ANKRD9: variants seen among roughly 807,000 people sequenced by gnomAD.
ANKRD9 encodes the protein ankyrin repeat domain-containing protein 9.
Under a neutral mutation model 19.2 loss-of-function variants are expected in ANKRD9, and 13 were observed. That is an observed-to-expected ratio of 0.68 (90% CI 0.44 to 1.08). The LOEUF is 1.08. ANKRD9 is among the 50% of genes least tolerant of loss of function. The pLI is 0.00. For synonymous variants in ANKRD9, 278 were observed against 256.8 expected (o/e 1.08, Z -0.79); for missense variants, 518 against 499.9 (o/e 1.04, Z -0.34).
rs1257055107 is a variant in ANKRD9 at position 102,504,118 on chromosome 14, G to A, written c.*2818C>T. ...CTGCTGGCTTTTGATGAGCCCAGGA[G>A]GGCTCAGCCTTCACTATCCTCCCTA... On this transcript the variant is annotated 3_prime_UTR_variant, in exon 4 of 4. Coordinates refer to ENST00000286918, the MANE Select transcript of ANKRD9 (RefSeq NM_152326.4). 1 of 152,262 alleles carries A rather than the reference G, an allele frequency of 6.6e-6. No homozygotes were observed. The highest frequency in any genetic ancestry group is 2.4e-5 in the African/African-American group (1 of 41,444). The allele number at this position is 152,262 out of a possible 1,614,324, so 9.4% of individuals were successfully genotyped here. A position where few individuals can be genotyped will look rare whatever the true frequency, so the allele number is the denominator to read the frequency against.
In ANKRD9 at chr14:102,505,632, G is replaced by C. The variant is rs1891567079; in HGVS notation, c.*1304C>G. On this transcript the variant is annotated 3_prime_UTR_variant, in exon 4 of 4. Transcript: ENST00000286918. ...ATGGAAAAACCTTGATGGGGAGACTGAGGGCCAAGGCAGAGGTTTGTCCAA... is the reference window on the plus strand; with the variant it reads ...ATGGAAAAACCTTGATGGGGAGACTCAGGGCCAAGGCAGAGGTTTGTCCAA... 1 of 152,316 alleles carries C rather than the reference G, an allele frequency of 6.6e-6. No individual in the cohort carries two copies. The highest frequency in any genetic ancestry group is 1.5e-5 in the Non-Finnish European group (1 of 68,118). The allele number at this position is 152,316 out of a possible 1,614,324, so 9.4% of individuals were successfully genotyped here.
In ANKRD9 at chr14:102,502,950, C is replaced by T. The variant is rs1891483226; in HGVS notation, c.*3986G>A. On this transcript the variant is annotated 3_prime_UTR_variant, in exon 4 of 4. Coordinates refer to ENST00000286918, the MANE Select transcript of ANKRD9 (RefSeq NM_152326.4). ...CTTTTAAGAGCCAGGCGCAGTGGCT[C>T]ACACTTGTAACCCCAGCACTTTGGG... is the stretch of plus-strand genomic sequence containing the variant. 1.3e-5 allele frequency: 2 copies of T among 152,166 alleles called. No homozygotes were observed. Among genetic ancestry groups the T allele is most frequent in the African/African-American group, 4.8e-5 (2 of 41,430 alleles). 9.4% of individuals were successfully genotyped at this position (152,166 alleles called of 1,614,324 possible). A position where few individuals can be genotyped will look rare whatever the true frequency, so the allele number is the denominator to read the frequency against.
In ANKRD9 at chr14:102,502,659, T is replaced by C. The variant is rs1362965786; in HGVS notation, c.*4277A>G. The C allele has an allele frequency of 6.6e-6, 1 of 152,178 alleles. No homozygotes were observed. The highest frequency in any genetic ancestry group is 1.5e-5 in the Non-Finnish European group (1 of 68,036). 9.4% of individuals were successfully genotyped at this position (152,178 alleles called of 1,614,324 possible). A position where few individuals can be genotyped will look rare whatever the true frequency, so the allele number is the denominator to read the frequency against. The stretch of plus-strand genomic sequence containing the variant: ...ATCTGGTTTCATATATATATAAATA[T>C]ACACAGAAAAAAATGTAATATATAT... On this transcript the variant is annotated 3_prime_UTR_variant, in exon 4 of 4. Coordinates refer to ENST00000286918, the MANE Select transcript of ANKRD9 (RefSeq NM_152326.4).
In ANKRD9 at chr14:102,506,448, C is replaced by G. The variant is rs1445777922; in HGVS notation, c.*488G>C. ...GGTACAATTTGTTCATGCCTCAACA[C>G]CAGCCACCGCGGGCCTGCCAGCCCT... is the stretch of plus-strand genomic sequence containing the variant. On this transcript the variant is annotated 3_prime_UTR_variant, in exon 4 of 4. Transcript: ENST00000286918. 6.5e-6 allele frequency: 1 copy of G among 154,654 alleles called. No homozygotes were observed. Among genetic ancestry groups the G allele is most frequent in the African/African-American group, 2.4e-5 (1 of 41,580 alleles). 9.6% of individuals were successfully genotyped at this position (154,654 alleles called of 1,614,324 possible).
rs895559611 is a variant in ANKRD9 at position 102,503,388 on chromosome 14, A to G, written c.*3548T>C. On this transcript the variant is annotated 3_prime_UTR_variant, in exon 4 of 4. Coordinates refer to ENST00000286918, the MANE Select transcript of ANKRD9 (RefSeq NM_152326.4). ...AACCTCCGCCTCCTGGGTTCAAGCA[A>G]TTCTCCTGCCTCAGCCTCCTGAGTA... is the stretch of plus-strand genomic sequence containing the variant. The G allele has an allele frequency of 2.7e-5, 4 of 149,778 alleles. No homozygotes were observed. The highest frequency in any genetic ancestry group is 4.4e-5 in the Non-Finnish European group (3 of 67,596). The allele number at this position is 149,778 out of a possible 1,614,324, so 9.3% of individuals were successfully genotyped here.
At position 102,507,676 on chromosome 14, in the gene ANKRD9, G is replaced by A. The variant is rs1891656601; in HGVS notation, c.214C>T (p.Pro72Ser). Residue 72 changes from proline (P) to serine (S), a missense_variant, in exon 4 of 4, where the codon CCC becomes TCC. Transcript: ENST00000286918. This position sits in a 1 kb window ranked among gnomAD's most constrained non-coding sequence, Gnocchi z 9.2. The part of the protein sequence containing the change: ...DERGRAAAYS[P>S]SEALLYALVH... ...AGCGCGTAGAGCAGCGCCTCAGAGG[G>A]CGAGTAGGCGGCGGCGCGCCCGCGC... 6.4e-7 allele frequency: 1 copy of A among 1,556,748 alleles called. No homozygotes were observed. The highest frequency in any genetic ancestry group is 8.6e-7 in the Non-Finnish European group (1 of 1,157,020).
chr14:102,503,247 C>T lies in ANKRD9; in HGVS notation c.*3689G>A, dbSNP rs1317228722. On this transcript the variant is annotated 3_prime_UTR_variant, in exon 4 of 4. Transcript: ENST00000286918. Reference sequence around the variant, plus strand: ...AATAAATACATAAATAAATAAATTACTTTTAAGAATCACCAATAGAAATCT... The same window carrying T: ...AATAAATACATAAATAAATAAATTATTTTTAAGAATCACCAATAGAAATCT... 6.7e-6 allele frequency: 1 copy of T among 149,518 alleles called. No homozygotes were observed. Among genetic ancestry groups the T allele is most frequent in the Non-Finnish European group, 1.5e-5 (1 of 67,576 alleles). The allele number at this position is 149,518 out of a possible 1,614,324, so 9.3% of individuals were successfully genotyped here.
chr14:102,507,803 C>A lies in ANKRD9; in HGVS notation c.87G>T (p.Gln29His). The stretch of plus-strand genomic sequence containing the variant: ...AGAAGGCGAACGACGACTTGCGGCA[C>A]TGCTTCTGCGCTCGCGAGCGCGCCG... ...SGAARSRAQK[Q>H]CRKSSFAFYQ... The change falls in exon 4 of 4, where the codon CAG (glutamine) becomes CAT (histidine). Residue 29 changes from glutamine (Q) to histidine (H), a missense_variant. Physicochemically the swap from Gln to His is conservative, Grantham distance 24. Transcript: ENST00000286918. The surrounding 1 kb of genome is among the most constrained non-coding windows in gnomAD (Gnocchi z 9.2). 7.0e-7 allele frequency: 1 copy of A among 1,422,082 alleles called. No individual in the cohort carries two copies. Among genetic ancestry groups the A allele is most frequent in the Non-Finnish European group, 9.3e-7 (1 of 1,078,514 alleles). The allele number at this position is 1,422,082 out of a possible 1,614,324, so 88.1% of individuals were successfully genotyped here.
rs1891532078 is a variant in ANKRD9 at position 102,504,542 on chromosome 14, C to T, written c.*2394G>A. 1 of 152,872 alleles carries T rather than the reference C, an allele frequency of 6.5e-6. No individual in the cohort carries two copies. The highest frequency in any genetic ancestry group is 2.4e-5 in the African/African-American group (1 of 41,450). The allele number at this position is 152,872 out of a possible 1,614,324, so 9.5% of individuals were successfully genotyped here. On this transcript the variant is annotated 3_prime_UTR_variant, in exon 4 of 4. Coordinates refer to ENST00000286918, the MANE Select transcript of ANKRD9 (RefSeq NM_152326.4). ...GCCCAGAAGACTGATAAGCTAAACCCAGGGCCTCCCTCGGCTGCTTATCTG... is the reference window on the plus strand; with the variant it reads ...GCCCAGAAGACTGATAAGCTAAACCTAGGGCCTCCCTCGGCTGCTTATCTG...
In ANKRD9 at chr14:102,504,267, G is replaced by C. The variant is rs887197001; in HGVS notation, c.*2669C>G. ...ACCGGCTGCAGCCATGTTTCCCTTA[G>C]AAACAGACTGCTGGAATTAACGAAC... is the stretch of plus-strand genomic sequence containing the variant. On this transcript the variant is annotated 3_prime_UTR_variant, in exon 4 of 4. Coordinates refer to ENST00000286918, the MANE Select transcript of ANKRD9 (RefSeq NM_152326.4). 6.6e-6 allele frequency: 1 copy of C among 152,468 alleles called. No homozygotes were observed. Among genetic ancestry groups the C allele is most frequent in the Non-Finnish European group, 1.5e-5 (1 of 68,066 alleles). 9.4% of individuals were successfully genotyped at this position (152,468 alleles called of 1,614,324 possible).
rs970630663 is a variant in ANKRD9, at chr14:102,507,486, G to A, written c.404C>T (p.Thr135Ile). 1.4e-6 allele frequency: 2 copies of A among 1,395,466 alleles called. No homozygotes were observed. Among genetic ancestry groups the A allele is most frequent in the African/African-American group, 1.5e-5 (1 of 65,394 alleles). 86.4% of individuals were successfully genotyped at this position (1,395,466 alleles called of 1,614,324 possible). Residue 135 changes from threonine to isoleucine, a missense_variant, in exon 4 of 4, where the codon ACC becomes ATC. Physicochemically the swap from Thr to Ile is moderately conservative, Grantham distance 89. Transcript: ENST00000286918. This position sits in a 1 kb window ranked among gnomAD's most constrained non-coding sequence, Gnocchi z 9.2. Reference protein sequence around the residue: ...RVGILRRILRTLRDFPAEERA... With the variant: ...RVGILRRILRILRDFPAEERA... Reference sequence around the variant, plus strand: ...CTCCTCGGCCGGGAAGTCGCGCAAGGTGCGCAGGATGCGGCGCAGAATGCC... The same window carrying A: ...CTCCTCGGCCGGGAAGTCGCGCAAGATGCGCAGGATGCGGCGCAGAATGCC...
In ANKRD9 at chr14:102,508,928, A is replaced by G. The variant is rs8006911; in HGVS notation, c.-334-82T>C. 56,144 of 151,694 alleles carry G rather than the reference A, an allele frequency of 0.37. 11,151 individuals are homozygous for G. The highest frequency in any genetic ancestry group is 0.57 in the East Asian group (2,906 of 5,100). The allele number at this position is 151,694 out of a possible 1,614,324, so 9.4% of individuals were successfully genotyped here. On this transcript the variant is annotated intron_variant, in intron 1 of 3. Transcript: ENST00000286918. The surrounding 1 kb of genome is among the most constrained non-coding windows in gnomAD (Gnocchi z 6.2). Reference sequence around the variant, plus strand: ...CCCCAACCCACAGGCAATCGAGCTTAGGCCCTGACCCTGCCCTCTGAGTCC... The same window carrying G: ...CCCCAACCCACAGGCAATCGAGCTTGGGCCCTGACCCTGCCCTCTGAGTCC...
rs1414533472 is a variant in ANKRD9 at position 102,507,630 on chromosome 14, T to C, written c.260A>G (p.Tyr87Cys). Residue 87 changes from tyrosine to cysteine, a missense_variant, in exon 4 of 4, where the codon TAC (tyrosine) becomes TGC (cysteine). Transcript: ENST00000286918. This position sits in a 1 kb window ranked among gnomAD's most constrained non-coding sequence, Gnocchi z 9.2. The stretch of plus-strand genomic sequence containing the variant: ...GAACGTGGCCAGCAGGTAATGCGCG[T>C]ACGCTTGGTGGTCGTGCACGAGCGC... ...LYALVHDHQA[Y>C]AHYLLATFPR... The C allele has an allele frequency of 2.0e-6, 3 of 1,532,578 alleles. No homozygotes were observed. The South Asian group carries it at 3.5e-5, about 18-fold the overall frequency. 94.9% of individuals were successfully genotyped at this position (1,532,578 alleles called of 1,614,324 possible).
intron 1 of ANKRD9, 51 bp downstream of exon 1, chr14:102,509,478 G>A (rs1299843755): frequency 6.7e-6 from 1 of 148,428 alleles, no homozygotes; most frequent in Non-Finnish European, 1.5e-5. Flanking sequence ...GCGTGTGCCG[G>A]AGGAGGAGGG....
chr14:102,502,767 CCTTTA>C lies in ANKRD9; in HGVS notation c.*4164_*4168del, dbSNP rs1366559545. The stretch of plus-strand genomic sequence containing the variant: ...GTGCAGATGACGCACTCAGTCAGCG[CCTTTA>C]CTTGTACGTGAGCGCTTAGGGGCCC... On this transcript the variant is annotated 3_prime_UTR_variant, in exon 4 of 4. Transcript: ENST00000286918. 1 of 152,186 alleles carries C rather than the reference CCTTTA, an allele frequency of 6.6e-6. No homozygotes were observed. Among genetic ancestry groups the C allele is most frequent in the Non-Finnish European group, 1.5e-5 (1 of 68,042 alleles). The allele number at this position is 152,186 out of a possible 1,614,324, so 9.4% of individuals were successfully genotyped here. A position where few individuals can be genotyped will look rare whatever the true frequency, so the allele number is the denominator to read the frequency against.
rs1018996891 is a variant in ANKRD9, at chr14:102,509,719, CGGCGGCGGGCGGCG to C, written c.-539_-526del. 33 of 143,934 alleles carry C rather than the reference CGGCGGCGGGCGGCG, an allele frequency of 2.3e-4. No homozygotes were observed. Among genetic ancestry groups the C allele is most frequent in the East Asian group, 4.2e-4 (2 of 4,706 alleles). The allele number at this position is 143,934 out of a possible 1,614,324, so 8.9% of individuals were successfully genotyped here. The stretch of plus-strand genomic sequence containing the variant: ...GATCGCAGGGCGGCGGTGCCGTCGC[CGGCGGCGGGCGGCG>C]GGCGGCGGGCGGCGGGCGGCGCAGT... On this transcript the variant is annotated 5_prime_UTR_variant, in exon 1 of 4. Transcript: ENST00000286918.
rs887902641 is a variant in ANKRD9 at position 102,508,128 on chromosome 14, A to C, written c.-53-186T>G. Among the ~76,000 whole-genome samples, 4 of 151,958 alleles carry C rather than the reference A, an allele frequency of 2.6e-5. No homozygotes were observed. The highest frequency in any genetic ancestry group is 1.3e-4 in the Admixed American group (2 of 15,258). ...TCCGACGCCCAGAACCACCGCCTCC[A>C]TCCTTGATCTAGCTGTACCTGTTCT... is the stretch of plus-strand genomic sequence containing the variant. On this transcript the variant is annotated intron_variant, in intron 3 of 3. Transcript: ENST00000286918. This position sits in a 1 kb window ranked among gnomAD's most constrained non-coding sequence, Gnocchi z 6.2.
rs866409650 is a variant in ANKRD9 at position 102,507,703 on chromosome 14, C to A, written c.187G>T (p.Glu63Ter). 5 of 1,542,534 alleles carry A rather than the reference C, an allele frequency of 3.2e-6. No homozygotes were observed. Among genetic ancestry groups the A allele is most frequent in the Non-Finnish European group, 3.5e-6 (4 of 1,149,938 alleles). Reference protein sequence around the residue: ...MRASEAFHWDERGRAAAYSPS... With the variant: ...MRASEAFHWD Reference sequence around the variant, plus strand: ...GAGTAGGCGGCGGCGCGCCCGCGCTCGTCCCAGTGGAAGGCCTCGCTGGCG... The same window carrying A: ...GAGTAGGCGGCGGCGCGCCCGCGCTAGTCCCAGTGGAAGGCCTCGCTGGCG... Residue 63 changes from glutamate (E) to a stop codon, truncating the protein, a stop_gained, in exon 4 of 4, where the codon GAG becomes TAG. Coordinates refer to ENST00000286918, the MANE Select transcript of ANKRD9 (RefSeq NM_152326.4). LOFTEE classifies it high-confidence loss of function. This position sits in a 1 kb window ranked among gnomAD's most constrained non-coding sequence, Gnocchi z 9.2.
chr14:102,502,250 C>T lies in ANKRD9; in HGVS notation c.*4686G>A, dbSNP rs1226375609. The T allele has an allele frequency of 6.6e-6, 1 of 152,520 alleles. No homozygotes were observed. The highest frequency in any genetic ancestry group is 1.5e-5 in the Non-Finnish European group (1 of 68,018). The allele number at this position is 152,520 out of a possible 1,614,324, so 9.4% of individuals were successfully genotyped here. A position where few individuals can be genotyped will look rare whatever the true frequency, so the allele number is the denominator to read the frequency against. On this transcript the variant is annotated 3_prime_UTR_variant, in exon 4 of 4. Coordinates refer to ENST00000286918, the MANE Select transcript of ANKRD9 (RefSeq NM_152326.4). ...GGGAGAGAAGGGGGAGGGAGACAAC[C>T]CAAACGTTGGAGGGTATTTGTTGTA...
Sources: allele counts gnomAD v4.1 joint callset (sites outside exome capture counted in the v4.1 genomes callset), GRCh38; gene constraint gnomAD v4.1.1; non-coding constraint Gnocchi (gnomAD v3.1); transcripts MANE v1.5; gene names NCBI Gene and HGNC (gene_info 2026-07-23, HGNC 2026-07-21).